Variants in UBE3D observed in about 807,000 individuals in gnomAD.
UBE3D encodes E3 ubiquitin-protein ligase E3D.
In UBE3D, 48 loss-of-function variants were observed where a neutral mutation model predicts 49.6. The observed-to-expected ratio is 0.97, with a 90% CI of 0.77 to 1.23. UBE3D has a LOEUF of 1.23. UBE3D is among the 50% of genes most tolerant of loss of function. The pLI, the probability that UBE3D is intolerant of heterozygous loss-of-function variation, is 0.00. For synonymous variants in UBE3D, 189 were observed against 174.2 expected, an observed-to-expected ratio of 1.08 and a Z score of -0.67; for missense variants, 452 against 468.4, an observed-to-expected ratio of 0.96 and a Z score of 0.32.
Position 83,055,915 on chromosome 6 carries a change from T to C in UBE3D, c.275-1677A>G, listed in dbSNP as rs1224130560. ...TATTTATTCATTCCACAAATATTTA[T>C]ACACCATCTATTATATGGAAAGCAC... On this transcript the variant is annotated intron_variant, in intron 2 of 9. Coordinates refer to ENST00000369747, the MANE Select transcript of UBE3D (RefSeq NM_198920.3). Among the ~76,000 whole-genome samples, 5 of 152,330 alleles carry C rather than the reference T, an allele frequency of 3.3e-5. 1 individual carries two copies. Among genetic ancestry groups the C allele is most frequent in the African/African-American group, 1.2e-4 (5 of 41,590 alleles).
intron 8 of UBE3D, among the ~76,000 whole-genome samples, chr6:82,973,016 C>A (rs1385999138): frequency 2.6e-5 from 4 of 152,122 alleles, no homozygotes; most frequent in Admixed American, 2.6e-4. Flanking sequence ...GTTCTGAAAT[C>A]TGTTGTTTCT....
chr6:82,963,033 C>T (rs899879832), intron 8 of UBE3D, among the ~76,000 whole-genome samples: 4 of 152,130 alleles, frequency 2.6e-5, no homozygotes, highest in Non-Finnish European at 5.9e-5. Flanking sequence ...GATTTATAAA[C>T]TTTCTCTGTA....
chr6:82,940,721 T>C (rs1162894844), intron 9 of UBE3D, among the ~76,000 whole-genome samples: 1 of 152,150 alleles, frequency 6.6e-6, no homozygotes, highest in Non-Finnish European at 1.5e-5. Context: ...CCTGAGACCC[T>C]CATATATAAT....
Position 83,052,647 on chromosome 6 carries a change from GT to G in UBE3D, c.365+1500del, listed in dbSNP as rs966330933. On this transcript the variant is annotated intron_variant, in intron 3 of 9. Coordinates refer to ENST00000369747, the MANE Select transcript of UBE3D (RefSeq NM_198920.3). ...ACAGAATGCCAGTCAATAATGGCAT[GT>G]TTTTTTGGGGGAGGAGGAATAGGTT... Among the ~76,000 whole-genome samples the G allele has an allele frequency of 1.5e-4, 23 of 152,142 alleles. 1 individual carries two copies. The highest frequency in any genetic ancestry group is 8.5e-4 in the Admixed American group (13 of 15,266).
intron 8 of UBE3D, among the ~76,000 whole-genome samples, chr6:82,992,002 A>C (rs1377524681): frequency 6.6e-6 from 1 of 152,120 alleles, no homozygotes; most frequent in Non-Finnish European, 1.5e-5. Flanking sequence ...AAAACAAAAA[A>C]CAAAAAACAA....
intron 5 of UBE3D, among the ~76,000 whole-genome samples, chr6:83,028,875 T>C (rs986980410): frequency 1.3e-5 from 2 of 152,170 alleles, no homozygotes; most frequent in Non-Finnish European, 2.9e-5. Context: ...GTGATAGTTA[T>C]GCTAGATACA....
At chr6:82,882,362 A>G in the UBE3D span, among the ~76,000 whole-genome samples, 47 of 152,208 alleles carry the variant, frequency 3.1e-4, no homozygotes, top group Non-Finnish European at 5.1e-4. Flanking sequence ...AAAGTTTGGG[A>G]AACCCCAAAC....
intron 3 of UBE3D, among the ~76,000 whole-genome samples, chr6:83,047,942 A>C (rs1214022631): frequency 1.3e-5 from 2 of 151,794 alleles, no homozygotes; most frequent in Non-Finnish European, 2.9e-5. Flanking sequence ...ATTAGCCGGG[A>C]GTGCTGGCGG....
chr6:83,029,579 T>C (rs1781722263), intron 5 of UBE3D, among the ~76,000 whole-genome samples: 1 of 152,238 alleles, frequency 6.6e-6, no homozygotes, highest in Non-Finnish European at 1.5e-5. Flanking sequence ...GCTTACTAAG[T>C]ACCTGCTTAT....
Position 83,065,810 on chromosome 6 carries a change from A to C in UBE3D, c.-92T>G, listed in dbSNP as rs1001932248. 8 of 1,324,288 alleles carry C rather than the reference A, an allele frequency of 6.0e-6. No homozygotes were observed. The African/African-American group carries it at 1.2e-4, about 19-fold the overall frequency. 82.0% of individuals were successfully genotyped at this position (1,324,288 alleles called of 1,614,324 possible). A position where few individuals can be genotyped will look rare whatever the true frequency, so the allele number is the denominator to read the frequency against. On this transcript the variant is annotated 5_prime_UTR_variant, in exon 1 of 10. Transcript: ENST00000369747. ...GAGAGGTTCCACGTGCGGACCAACC[A>C]GCGGCAGCCCCGCTGCGGCGCAGGC...
intron 5 of UBE3D, among the ~76,000 whole-genome samples, chr6:83,026,569 A>G (rs901791696): frequency 6.6e-6 from 1 of 152,174 alleles, no homozygotes; most frequent in Non-Finnish European, 1.5e-5. Context: ...ATAGATTAAT[A>G]TATAGACAGC....
At chr6:83,013,651 G>A (rs1780499915) in intron 8 of UBE3D, among the ~76,000 whole-genome samples, 1 of 152,188 alleles carries the variant, frequency 6.6e-6, no homozygotes, top group South Asian at 2.1e-4. Flanking sequence ...GGTTGTAGGA[G>A]GGGCGAAATG....
intron 9 of UBE3D, among the ~76,000 whole-genome samples, chr6:82,922,936 C>T (rs1773456953): frequency 6.6e-6 from 1 of 152,150 alleles, no homozygotes; most frequent in Admixed American, 6.5e-5. Context: ...GACATTTATG[C>T]AGCCAACAGA....
chr6:82,935,224 A>G (rs1422144390), intron 9 of UBE3D, among the ~76,000 whole-genome samples: 1 of 151,712 alleles, frequency 6.6e-6, no homozygotes. Context: ...AAAGCAGAGC[A>G]AGCAAGAGAG....
chr6:83,041,914 T>C (rs556441227), intron 4 of UBE3D, among the ~76,000 whole-genome samples: 2 of 151,822 alleles, frequency 1.3e-5, no homozygotes, highest in Admixed American at 6.6e-5. Flanking sequence ...TCGTCTATTA[T>C]ATAATTTTTT....
At position 82,975,803 on chromosome 6, in the gene UBE3D, G is replaced by A. The variant is rs187614126; in HGVS notation, c.1011-18353C>T. ...GGAATTTAAGATTTTTGTCATTAGC[G>A]TCAGTCAAGTTGCTATAGATATTAA... On this transcript the variant is annotated intron_variant, in intron 8 of 9. Transcript: ENST00000369747. Among the ~76,000 whole-genome samples the A allele has an allele frequency of 1.2e-3, 177 of 152,150 alleles. 1 individual carries two copies. The highest frequency in any genetic ancestry group is 3.7e-3 in the African/African-American group (153 of 41,518).
At chr6:82,886,371 C>A in the UBE3D span, among the ~76,000 whole-genome samples, 89 of 152,224 alleles carry the variant, frequency 5.8e-4, no homozygotes, top group Middle Eastern at 3.4e-3. Context: ...CAAGGTTCAC[C>A]TCCTATGGGA....
intron 9 of UBE3D, among the ~76,000 whole-genome samples, chr6:82,916,077 G>T (rs1378186538): frequency 6.6e-6 from 1 of 152,106 alleles, no homozygotes; most frequent in Non-Finnish European, 1.5e-5. Flanking sequence ...TATATTCCAA[G>T]GACTTGTCAT....
intron 9 of UBE3D, among the ~76,000 whole-genome samples, chr6:82,893,768 A>G: frequency 6.6e-6 from 1 of 152,222 alleles, no homozygotes; most frequent in East Asian, 1.9e-4. Flanking sequence ...AGGCGTGAGC[A>G]ACAGAAGTAA....
Sources: gnomAD v4.1 joint callset for allele counts (sites outside exome capture counted in the v4.1 genomes callset) on GRCh38, gnomAD v4.1.1 for gene constraint, MANE v1.5 for transcripts, NCBI Gene and HGNC (gene_info 2026-07-23, HGNC 2026-07-21) for gene names.